The following MON2 variants were observed in gnomAD, a reference collection of about 807,000 sequenced individuals.
MON2 encodes the protein protein MON2 homolog.
Under a neutral mutation model 208.6 loss-of-function variants are expected in MON2, and 84 were observed. The observed-to-expected ratio is 0.40, with a 90% CI of 0.34 to 0.48. The LOEUF (loss-of-function observed/expected upper bound fraction) is 0.48. Ranked by LOEUF, MON2 falls within the 20% of genes least tolerant of loss-of-function variation. MON2 has a pLI of 0.59. For missense variants in MON2, 1,611 were observed against 2,015.4 expected (o/e 0.80, Z 3.84); for synonymous variants, 660 against 694.0 (o/e 0.95, Z 0.77).
intron 19 of MON2, among the ~76,000 whole-genome samples, 164 bp downstream of exon 19, chr12:62,538,669 AAG>A (rs1273649598): frequency 6.6e-6 from 1 of 152,170 alleles, no homozygotes; most frequent in Non-Finnish European, 1.5e-5. Flanking sequence ...AAGGAGTAAA[AAG>A]GACATGATTT....
At position 62,534,890 on chromosome 12, in the gene MON2, G is replaced by T. The variant is rs2072892883; in HGVS notation, c.1679G>T (p.Gly560Val). Reference protein sequence around the residue: ...WEEMVNACWCGLLAALSLLLD... With the variant: ...WEEMVNACWCVLLAALSLLLD... ...GAAATGGTGAATGCCTGCTGGTGTG[G>T]TCTTCTTGCTGCACTCTCACTCCTT... Residue 560 changes from glycine to valine, a missense_variant, in exon 13 of 35, where the codon GGT (glycine) becomes GTT (valine). Coordinates refer to ENST00000393630, the MANE Select transcript of MON2 (RefSeq NM_015026.3). 1 of 1,612,008 alleles carries T rather than the reference G, an allele frequency of 6.2e-7. No individual in the cohort carries two copies. The highest frequency in any genetic ancestry group is 8.5e-7 in the Non-Finnish European group (1 of 1,178,976).
intron 5 of MON2, 62 bp downstream of exon 5, chr12:62,499,110 C>CT (rs2070698527): frequency 6.4e-7 from 1 of 1,561,084 alleles, no homozygotes; most frequent in Non-Finnish European, 8.7e-7. Flanking sequence ...TTTGTATTAA[C>CT]TTTCGGCCTT....
chr12:62,495,904 C>A (rs1273185336), intron 4 of MON2, among the ~76,000 whole-genome samples: 6 of 151,720 alleles, frequency 4.0e-5, no homozygotes, highest in African/African-American at 1.5e-4. Context: ...CACTCCCACC[C>A]ACTTTGGAAC....
chr12:62,551,553 A>G (rs2073746732), intron 23 of MON2, among the ~76,000 whole-genome samples: 1 of 152,252 alleles, frequency 6.6e-6, no homozygotes, highest in African/African-American at 2.4e-5. Flanking sequence ...AAGTATTACT[A>G]AAATGTGGCA....
chr12:62,537,210 CAAG>C lies in MON2; in HGVS notation c.1961_1963del (p.Gln654_Val655delinsLeu). ...AAGTCCATCAAGTGAATCTCACCAA[CAAG>C]TTGTGGCAGTGGGTCAACCTTTAGC... On this transcript the variant is annotated inframe_deletion, in exon 15 of 35. Coordinates refer to ENST00000393630, the MANE Select transcript of MON2 (RefSeq NM_015026.3). The C allele has an allele frequency of 6.2e-7, 1 of 1,613,564 alleles. No homozygotes were observed. The highest frequency in any genetic ancestry group is 1.7e-5 in the Admixed American group (1 of 59,994).
chr12:62,504,672 C>G (rs921342683), intron 7 of MON2, among the ~76,000 whole-genome samples: 1 of 137,526 alleles, frequency 7.3e-6, no homozygotes. Context: ...TCCAGAGATA[C>G]GTATTTGTTT....
At chr12:62,488,569 T>C (rs1480731648) in intron 2 of MON2, among the ~76,000 whole-genome samples, 1 of 152,136 alleles carries the variant, frequency 6.6e-6, no homozygotes, top group East Asian at 1.9e-4. Context: ...ATATTTTAAG[T>C]AAATTAGGAT....
In MON2 at chr12:62,500,816, A is replaced by G. The variant is rs1188471479; in HGVS notation, c.599A>G (p.Asn200Ser). ...IIEQPVLVQGNSNRRSVSTLK... is the reference protein window; with the variant it reads ...IIEQPVLVQGSSNRRSVSTLK... ...GAACAACCAGTACTGGTACAAGGAA[A>G]TAGTAACAGAAGATCTGTCAGTACC... Residue 200 changes from asparagine (N) to serine (S), a missense_variant, in exon 6 of 35, where the codon AAT becomes AGT. Physicochemically the swap from Asn to Ser is conservative, Grantham distance 46. Transcript: ENST00000393630. 4.4e-6 allele frequency: 7 copies of G among 1,597,844 alleles called. No homozygotes were observed. Among genetic ancestry groups the G allele is most frequent in the Non-Finnish European group, 6.0e-6 (7 of 1,172,590 alleles).
At chr12:62,556,539 A>G (rs1369966178) in intron 25 of MON2, among the ~76,000 whole-genome samples, 1 of 152,184 alleles carries the variant, frequency 6.6e-6, no homozygotes, top group Non-Finnish European at 1.5e-5. Flanking sequence ...CTGAGAAAGC[A>G]ATAGTTTTCC....
At chr12:62,500,692 A>C (rs1242875813) in intron 5 of MON2, 91 bp from the exon 6 acceptor site, 5 of 634,518 alleles carry the variant, frequency 7.9e-6, no homozygotes, top group South Asian at 4.9e-5. Flanking sequence ...ATATAAACAA[A>C]TATTTATTTT....
At chr12:62,475,383 C>T (rs1435693196) in intron 1 of MON2, among the ~76,000 whole-genome samples, 3 of 151,632 alleles carry the variant, frequency 2.0e-5, no homozygotes, top group African/African-American at 4.8e-5. Context: ...ATTACAGGCG[C>T]CCGCTATCAT....
In MON2 at chr12:62,498,924, C is replaced by T. The variant is rs775779568; in HGVS notation, c.441C>T (p.Ile147=). Residue 147 remains isoleucine, a synonymous_variant, in exon 5 of 35, where the codon ATC becomes ATT. Transcript: ENST00000393630. ...AATGAAAATTGTGTTTTCAGGCAAT[C>T]GTTCTTTGTTTTCGACTACACTTCA... is the stretch of plus-strand genomic sequence containing the variant. ...VVHDEALSKA[I]VLCFRLHFTK... The T allele has an allele frequency of 4.4e-6, 7 of 1,596,188 alleles. No individual in the cohort carries two copies. Among genetic ancestry groups the T allele is most frequent in the Middle Eastern group, 1.8e-4 (1 of 5,520 alleles).
At chr12:62,503,380 T>TA (rs2070940240) in intron 7 of MON2, among the ~76,000 whole-genome samples, 1 of 152,224 alleles carries the variant, frequency 6.6e-6, no homozygotes, top group African/African-American at 2.4e-5. Flanking sequence ...AATCAGTTCT[T>TA]ACCACTTCTA....
intron 19 of MON2, 152 bp downstream of exon 19, chr12:62,538,657 C>T (rs982607658): frequency 6.8e-6 from 4 of 592,460 alleles, no homozygotes; most frequent in African/African-American, 3.7e-5. Context: ...CGTTATTTGT[C>T]GAAGGAGTAA....
intron 19 of MON2, among the ~76,000 whole-genome samples, chr12:62,542,072 C>T (rs1199011077): frequency 1.3e-5 from 2 of 152,174 alleles, no homozygotes; most frequent in African/African-American, 4.8e-5. Context: ...GTTAAAACTT[C>T]ATAGACATCA....
At chr12:62,581,247 C>T (rs1329824109) in intron 32 of MON2, among the ~76,000 whole-genome samples, 2 of 152,196 alleles carry the variant, frequency 1.3e-5, no homozygotes, top group East Asian at 1.9e-4. Flanking sequence ...AAGTCTTAAA[C>T]TGTGGCATCA....
At chr12:62,552,142 C>G (rs143101078) in intron 23 of MON2, among the ~76,000 whole-genome samples, 145 of 152,232 alleles carry the variant, frequency 9.5e-4, no homozygotes, top group African/African-American at 3.4e-3. Context: ...TATTCAAATA[C>G]TACACCATTT....
intron 8 of MON2, among the ~76,000 whole-genome samples, chr12:62,521,916 G>A (rs1018951748): frequency 6.6e-6 from 1 of 152,186 alleles, no homozygotes; most frequent in Non-Finnish European, 1.5e-5. Flanking sequence ...CTAGTGGCTG[G>A]GTGTGGTGGC....
chr12:62,573,618 C>A (rs941487875), intron 30 of MON2, among the ~76,000 whole-genome samples: 9 of 151,344 alleles, frequency 5.9e-5, no homozygotes, highest in Admixed American at 2.0e-4. Flanking sequence ...TGTATTAATG[C>A]AGTTGTAGTA....
Sources: gnomAD v4.1 joint callset for allele counts (sites outside exome capture counted in the v4.1 genomes callset) on GRCh38, gnomAD v4.1.1 for gene constraint, MANE v1.5 for transcripts, NCBI Gene and HGNC (gene_info 2026-07-23, HGNC 2026-07-21) for gene names.